NDUFA5: variants seen among roughly 807,000 people sequenced by gnomAD.
NDUFA5 encodes the protein NADH dehydrogenase [ubiquinone] 1 alpha subcomplex subunit 5.
In NDUFA5, 11 loss-of-function variants were observed where a neutral mutation model predicts 19.8. That is an observed-to-expected ratio of 0.56 (90% CI 0.35 to 0.92). The LOEUF (loss-of-function observed/expected upper bound fraction) is 0.92. Among genes scored for constraint, NDUFA5 ranks in the 40% least tolerant of loss-of-function variants. The probability of loss-of-function intolerance (pLI) is 0.01; values close to 1 mark genes in which losing one functional copy is unlikely to be tolerated. For synonymous variants in NDUFA5, 47 were observed against 46.8 expected (o/e 1.00, Z -0.01); for missense variants, 109 against 134.2 (o/e 0.81, Z 0.93).
At chr7:123,557,731 A>C in intron 1 of NDUFA5, 44 bp downstream of exon 1, 1 of 1,612,958 alleles carries the variant, frequency 6.2e-7, no homozygotes, top group South Asian at 1.1e-5. Flanking sequence ...GACTGAGTCT[A>C]CCCCCACAGT....
intron 2 of NDUFA5, among the ~76,000 whole-genome samples, chr7:123,553,484 G>C (rs1405052858): frequency 1.5e-4 from 23 of 152,162 alleles, no homozygotes; most frequent in Non-Finnish European, 2.9e-5. Context: ...GGGGATTATG[G>C]GAGCTACAAT....
chr7:123,583,840 T>C, the NDUFA5 span, among the ~76,000 whole-genome samples: 2 of 151,886 alleles, frequency 1.3e-5, no homozygotes, highest in African/African-American at 4.8e-5. Context: ...GTTAGTGAGA[T>C]GATTCCACAA....
intron 4 of NDUFA5, among the ~76,000 whole-genome samples, chr7:123,543,099 G>T (rs1336667573): frequency 6.6e-6 from 1 of 152,150 alleles, no homozygotes; most frequent in Non-Finnish European, 1.5e-5. Flanking sequence ...GTCAATCTAT[G>T]TTTACAAGCA....
rs111742519 is a variant in NDUFA5 at position 123,557,801 on chromosome 7, C to T, written c.-6G>A. ...TTCTTCAGCACACCCGCCATGACAG[C>T]GCCAACGACTCGGTGACGCACAACC... is the stretch of plus-strand genomic sequence containing the variant. On this transcript the variant is annotated 5_prime_UTR_variant, in exon 1 of 5. Transcript: ENST00000355749. 2.8e-3 allele frequency: 4,585 copies of T among 1,614,080 alleles called. 110 individuals are homozygous for T. The African/African-American group carries it at 0.052, about 18-fold the overall frequency.
At chr7:123,594,774 T>A in the NDUFA5 span, among the ~76,000 whole-genome samples, 1 of 152,200 alleles carries the variant, frequency 6.6e-6, no homozygotes, top group Non-Finnish European at 1.5e-5. Context: ...CTGTCCATTA[T>A]TGGATCTCAA....
chr7:123,570,226 C>T, the NDUFA5 span, among the ~76,000 whole-genome samples: 17 of 151,770 alleles, frequency 1.1e-4, no homozygotes, highest in African/African-American at 3.9e-4. Flanking sequence ...TTAGTAGAGA[C>T]GGGGTTTCAC....
the NDUFA5 span, among the ~76,000 whole-genome samples, chr7:123,590,626 G>T: frequency 2.0e-5 from 3 of 152,126 alleles, no homozygotes; most frequent in African/African-American, 7.2e-5. Context: ...AGATCAGATG[G>T]TTATAGATGT....
chr7:123,560,362 G>A (rs1195831672), upstream of NDUFA5, among the ~76,000 whole-genome samples: 2 of 152,124 alleles, frequency 1.3e-5, no homozygotes, highest in Admixed American at 1.3e-4. Flanking sequence ...ATGAATAAAA[G>A]TCATCCAGAA....
rs377374672 is a variant in NDUFA5 at position 123,545,640 on chromosome 7, C to G, written c.220G>C (p.Gly74Arg). Residue 74 changes from glycine to arginine, a missense_variant, in exon 4 of 5, where the codon GGC (glycine) becomes CGC (arginine). Gly to Arg is a moderately radical substitution (Grantham distance 125). Transcript: ENST00000355749. The stretch of plus-strand genomic sequence containing the variant: ...AGAATCACCTCTTCTAATTGACCGC[C>G]TTGAAGTTGGTCTTCTAATTTTTTA... Reference protein sequence around the residue: ...DVKKLEDQLQGGQLEEVILQA... With the variant: ...DVKKLEDQLQRGQLEEVILQA... 1 of 1,610,440 alleles carries G rather than the reference C, an allele frequency of 6.2e-7. No individual in the cohort carries two copies. Among genetic ancestry groups the G allele is most frequent in the African/African-American group, 1.3e-5 (1 of 74,730 alleles).
chr7:123,550,656 C>A, intron 2 of NDUFA5, 70 bp from the exon 3 acceptor site: 18 of 806,890 alleles, frequency 2.2e-5, no homozygotes, highest in Non-Finnish European at 2.5e-5. Context: ...ACACTTGTCT[C>A]AAAGACAAAA....
At chr7:123,567,489 G>A in the NDUFA5 span, among the ~76,000 whole-genome samples, 1 of 152,110 alleles carries the variant, frequency 6.6e-6, no homozygotes, top group Non-Finnish European at 1.5e-5. Flanking sequence ...ATTAAGTGTT[G>A]GAAGAGTTAG....
At chr7:123,573,253 G>A in the NDUFA5 span, among the ~76,000 whole-genome samples, 4 of 143,210 alleles carry the variant, frequency 2.8e-5, no homozygotes, top group African/African-American at 5.2e-5. Flanking sequence ...CTTCCCCCCC[G>A]CCTCCCCATA....
chr7:123,586,612 T>C, the NDUFA5 span, among the ~76,000 whole-genome samples: 1 of 151,740 alleles, frequency 6.6e-6, no homozygotes, highest in African/African-American at 2.4e-5. Flanking sequence ...TGGTGTCATA[T>C]CCAAAAAATT....
At chr7:123,567,956 T>G in the NDUFA5 span, among the ~76,000 whole-genome samples, 3 of 152,066 alleles carry the variant, frequency 2.0e-5, no homozygotes, top group South Asian at 2.1e-4. Context: ...TTTTTACCTG[T>G]TTTTTTTCTC....
chr7:123,583,073 T>G, the NDUFA5 span, among the ~76,000 whole-genome samples: 2 of 151,936 alleles, frequency 1.3e-5, no homozygotes, highest in Non-Finnish European at 2.9e-5. Flanking sequence ...AATTATAGAC[T>G]GTTCAGATGA....
chr7:123,574,945 T>C, the NDUFA5 span, among the ~76,000 whole-genome samples: 6 of 151,864 alleles, frequency 4.0e-5, no homozygotes, highest in African/African-American at 7.3e-5. Flanking sequence ...TTAAGACACA[T>C]AGGGGAGAAA....
intron 2 of NDUFA5, chr7:123,555,813 G>C (rs1048673990): frequency 2.0e-5 from 3 of 152,220 alleles, no homozygotes; most frequent in Non-Finnish European, 4.4e-5. Flanking sequence ...GAGGGTCACA[G>C]TAAGAAACTT....
the NDUFA5 span, among the ~76,000 whole-genome samples, chr7:123,585,729 G>A: frequency 1.3e-5 from 2 of 151,398 alleles, no homozygotes; most frequent in South Asian, 4.2e-4. Flanking sequence ...ATTAACTATA[G>A]TTACCATGCT....
the NDUFA5 span, among the ~76,000 whole-genome samples, chr7:123,591,671 C>T: frequency 1.3e-5 from 2 of 152,074 alleles, no homozygotes; most frequent in African/African-American, 4.8e-5. Context: ...GGTGGATATG[C>T]TTTTTGACGT....
Sources: gnomAD v4.1 joint callset for allele counts (sites outside exome capture counted in the v4.1 genomes callset) on GRCh38, gnomAD v4.1.1 for gene constraint, MANE v1.5 for transcripts, NCBI Gene and HGNC (gene_info 2026-07-23, HGNC 2026-07-21) for gene names.